Variants in ELF1 observed in about 807,000 individuals in gnomAD.
ELF1 encodes the protein E74 like ETS transcription factor 1.
Under a neutral mutation model 59.9 loss-of-function variants are expected in ELF1, and 24 were observed. That is an observed-to-expected ratio of 0.40 (90% CI 0.29 to 0.56). The LOEUF (loss-of-function observed/expected upper bound fraction) is 0.56, where lower values mean the gene tolerates loss of function less well. Among genes scored for constraint, ELF1 ranks in the 20% least tolerant of loss-of-function variants. ELF1 has a pLI of 0.44. For missense variants in ELF1, 627 were observed against 742.2 expected, an observed-to-expected ratio of 0.84 and a Z score of 1.80; for synonymous variants, 248 against 266.2, an observed-to-expected ratio of 0.93 and a Z score of 0.67.
chr13:40,935,673 C>T (rs1415197933), intron 8 of ELF1, among the ~76,000 whole-genome samples: 1 of 122,656 alleles, frequency 8.2e-6, no homozygotes, highest in East Asian at 2.0e-4. Context: ...TAGCCAGATA[C>T]CATTTTTTTT....
intron 1 of ELF1, among the ~76,000 whole-genome samples, chr13:41,050,177 C>T (rs574610998): frequency 5.3e-4 from 80 of 152,196 alleles, no homozygotes; most frequent in Middle Eastern, 6.8e-3. Context: ...CCCTTTCTCC[C>T]TTACCCCCAG....
upstream of ELF1, among the ~76,000 whole-genome samples, chr13:41,020,737 G>A (rs1875654679): frequency 6.6e-6 from 1 of 152,108 alleles, no homozygotes; most frequent in Non-Finnish European, 1.5e-5. Context: ...CAGAGCCCAT[G>A]CACCAAGAAA....
chr13:40,995,875 T>A (rs763735484), intron 1 of ELF1, among the ~76,000 whole-genome samples: 11 of 152,134 alleles, frequency 7.2e-5, no homozygotes, highest in Non-Finnish European at 1.6e-4. Flanking sequence ...CTGGACTTCA[T>A]TAAAATTAAA....
chr13:41,024,472 C>T lies in ELF1; in HGVS notation c.-229+36366G>A, dbSNP rs559901273. 1.1e-4 allele frequency among the ~76,000 whole-genome samples: 16 copies of T among 152,262 alleles called. No homozygotes were observed. In the South Asian group the frequency reaches 1.5e-3, roughly 14 times the overall value. On this transcript the variant is annotated intron_variant, in intron 1 of 1. Transcript: ENST00000405737. The stretch of plus-strand genomic sequence containing the variant: ...CTGAGTAGCTGGGACTACAGGCATG[C>T]ACCACAATGTGGTTATTTTTTGTAT...
intron 1 of ELF1, among the ~76,000 whole-genome samples, chr13:41,030,579 C>CA (rs1876119301): frequency 6.6e-6 from 1 of 151,736 alleles, no homozygotes; most frequent in African/African-American, 2.4e-5. Context: ...CCTGTCTCTA[C>CA]AAAAAATAAA....
At chr13:40,977,268 A>G (rs902119199) in intron 2 of ELF1, among the ~76,000 whole-genome samples, 1 of 152,014 alleles carries the variant, frequency 6.6e-6, no homozygotes, top group African/African-American at 2.4e-5. Flanking sequence ...TTAAGATCAA[A>G]CCAAAGCACC....
chr13:40,934,034 G>C lies in ELF1; in HGVS notation c.1257-6C>G. On this transcript the variant is annotated splice_region_variant and splice_polypyrimidine_tract_variant and intron_variant, in intron 8 of 8. Coordinates refer to ENST00000239882, the MANE Select transcript of ELF1 (RefSeq NM_172373.4). ...GGGTTGGAGCCTGTATAGTCCTATT[G>C]AGATGATGAAATTAAAGTGAGACAA... is the stretch of plus-strand genomic sequence containing the variant. 1 of 1,595,198 alleles carries C rather than the reference G, an allele frequency of 6.3e-7. No homozygotes were observed. Among genetic ancestry groups the C allele is most frequent in the Middle Eastern group, 1.7e-4 (1 of 5,964 alleles).
At chr13:40,981,959 T>C in intron 2 of ELF1, 24 bp downstream of exon 2, 1 of 1,596,790 alleles carries the variant, frequency 6.3e-7, no homozygotes, top group Non-Finnish European at 8.5e-7. Flanking sequence ...GTCATTAAAA[T>C]GAAATTTTCT....
Position 41,019,157 on chromosome 13 carries a change from G to T in ELF1, c.-229+71C>A, listed in dbSNP as rs1236097307. 4.1e-6 allele frequency: 4 copies of T among 979,078 alleles called. No individual in the cohort carries two copies. The African/African-American group carries it at 7.0e-5, about 17-fold the overall frequency. 60.6% of individuals were successfully genotyped at this position (979,078 alleles called of 1,614,324 possible). ...CACATTCAGCCATGTTCTTCAACAG[G>T]TAAGAACCACCCTCTGTTTATCAGC... is the stretch of plus-strand genomic sequence containing the variant. On this transcript the variant is annotated intron_variant, in intron 1 of 8. Coordinates refer to ENST00000239882, the MANE Select transcript of ELF1 (RefSeq NM_172373.4).
chr13:40,940,426 AC>A (rs1306688392), intron 8 of ELF1, among the ~76,000 whole-genome samples: 3 of 142,482 alleles, frequency 2.1e-5, no homozygotes, highest in Non-Finnish European at 4.5e-5. Flanking sequence ...AAACAAACCT[AC>A]TTTTTCAACT....
rs1875593008 is a variant in ELF1 at position 41,019,275 on chromosome 13, C to T, written c.-276G>A. On this transcript the variant is annotated 5_prime_UTR_variant, in exon 1 of 9. Transcript: ENST00000239882. Reference sequence around the variant, plus strand: ...GTCTTTTGAGCTTGAAAATAAAAAGCAATCCGACAAGTTTTAGCTGTTAAA... The same window carrying T: ...GTCTTTTGAGCTTGAAAATAAAAAGTAATCCGACAAGTTTTAGCTGTTAAA... 2 of 985,270 alleles carry T rather than the reference C, an allele frequency of 2.0e-6. No individual in the cohort carries two copies. The highest frequency in any genetic ancestry group is 1.7e-5 in the African/African-American group (1 of 57,226). The allele number at this position is 985,270 out of a possible 1,614,324, so 61.0% of individuals were successfully genotyped here.
intron 8 of ELF1, among the ~76,000 whole-genome samples, chr13:40,940,404 A>C (rs932192644): frequency 8.1e-5 from 12 of 148,258 alleles, no homozygotes; most frequent in Middle Eastern, 3.2e-3. Context: ...AAAAAAAAAA[A>C]AAAAAAAAAA....
Position 41,046,420 on chromosome 13 carries a change from T to G in ELF1, c.-229+14418A>C, listed in dbSNP as rs1236074455. Among the ~76,000 whole-genome samples the G allele has an allele frequency of 2.0e-5, 3 of 152,358 alleles. No individual in the cohort carries two copies. In the South Asian group the frequency reaches 6.2e-4, roughly 32 times the overall value. On this transcript the variant is annotated intron_variant, in intron 1 of 1. Coordinates refer to the ELF1 transcript ENST00000405737. ...TTTGGCATGTTTTTGCAGTGGCTGG[T>G]ACCAGTTGTTCCTTTCCATGTTTAG...
At chr13:40,995,514 G>C (rs1469259566) in intron 1 of ELF1, among the ~76,000 whole-genome samples, 5 of 152,076 alleles carry the variant, frequency 3.3e-5, no homozygotes, top group Non-Finnish European at 7.4e-5. Flanking sequence ...ACTGGTGAAA[G>C]AACAAAATAG....
upstream of ELF1, among the ~76,000 whole-genome samples, chr13:41,022,943 A>AAGGAAGGG (rs754788862): frequency 1.3e-5 from 2 of 152,284 alleles, no homozygotes; most frequent in East Asian, 1.9e-4. Context: ...GAAAGAAAGA[A>AAGGAAGGG]AGGAAGGGAG....
intron 1 of ELF1, among the ~76,000 whole-genome samples, chr13:40,995,341 C>A (rs1052411522): frequency 1.3e-5 from 2 of 152,094 alleles, no homozygotes; most frequent in Admixed American, 6.5e-5. Context: ...AATGTATTAA[C>A]AAGGCTAAAA....
At chr13:40,957,679 A>G (rs994456166) in intron 3 of ELF1, among the ~76,000 whole-genome samples, 4 of 152,116 alleles carry the variant, frequency 2.6e-5, no homozygotes, top group Non-Finnish European at 5.9e-5. Flanking sequence ...CTGCAGAACC[A>G]TGAGCCAATT....
intron 1 of ELF1, among the ~76,000 whole-genome samples, chr13:41,001,948 C>T (rs1367688011): frequency 2.0e-5 from 3 of 152,162 alleles, no homozygotes; most frequent in African/African-American, 4.8e-5. Context: ...CTGTCTCTCT[C>T]GTTCAATATC....
At chr13:40,986,451 T>C (rs1464007648) in intron 1 of ELF1, among the ~76,000 whole-genome samples, 3 of 152,232 alleles carry the variant, frequency 2.0e-5, no homozygotes, top group Admixed American at 6.5e-5. Context: ...GCAAGAAATA[T>C]GTAACAGGTG....
Sources: allele counts gnomAD v4.1 joint callset (sites outside exome capture counted in the v4.1 genomes callset), GRCh38; gene constraint gnomAD v4.1.1; transcripts MANE v1.5; gene names NCBI Gene and HGNC (gene_info 2026-07-23, HGNC 2026-07-21).